The following MARCHF10 variants were observed in gnomAD, a reference collection of about 807,000 sequenced individuals.
The protein encoded by MARCHF10 is probable E3 ubiquitin-protein ligase MARCHF10.
Under a neutral mutation model 76.2 loss-of-function variants are expected in MARCHF10, and 64 were observed. The ratio of observed to expected loss-of-function variants is 0.84; its 90% CI spans 0.69 to 1.03. MARCHF10 has a LOEUF of 1.03. Ranked by LOEUF, MARCHF10 falls within the 50% of genes least tolerant of loss-of-function variation. The pLI, the probability that MARCHF10 is intolerant of heterozygous loss-of-function variation, is 0.00. For synonymous variants in MARCHF10, 340 were observed against 357.5 expected (o/e 0.95, Z 0.55); for missense variants, 875 against 958.0 (o/e 0.91, Z 1.14).
At chr17:62,729,208 G>A (rs1008172037) in intron 6 of MARCHF10, among the ~76,000 whole-genome samples, 3 of 151,874 alleles carry the variant, frequency 2.0e-5, no homozygotes, top group African/African-American at 7.3e-5. Flanking sequence ...CTCTAAAAGT[G>A]CTGGGATTAT....
intron 10 of MARCHF10, among the ~76,000 whole-genome samples, chr17:62,703,876 C>T (rs935358465): frequency 1.3e-5 from 2 of 152,202 alleles, no homozygotes; most frequent in African/African-American, 4.8e-5. Flanking sequence ...GCCAGGGTGC[C>T]CCAAGCCCAG....
At chr17:62,797,986 T>C (rs1160595601) in intron 2 of MARCHF10, among the ~76,000 whole-genome samples, 1 of 151,832 alleles carries the variant, frequency 6.6e-6, no homozygotes. Flanking sequence ...GCTTAGACCA[T>C]AGGAGGGGCA....
intron 2 of MARCHF10, among the ~76,000 whole-genome samples, chr17:62,793,556 C>T (rs1294497355): frequency 7.3e-6 from 1 of 136,418 alleles, no homozygotes; most frequent in African/African-American, 2.8e-5. Context: ...TCCACTGCCA[C>T]CACCACCTCC....
intron 3 of MARCHF10, among the ~76,000 whole-genome samples, chr17:62,785,928 G>C (rs1262828861): frequency 6.6e-6 from 1 of 152,232 alleles, no homozygotes; most frequent in Non-Finnish European, 1.5e-5. Flanking sequence ...CACTGTTGGT[G>C]AGAGTGTAAA....
At chr17:62,808,015 G>A (rs2093187808) in intron 1 of MARCHF10, 62 bp downstream of exon 1, 1 of 152,188 alleles carries the variant, frequency 6.6e-6, no homozygotes, top group South Asian at 2.1e-4. Context: ...AAGTCGAAAG[G>A]GAAGGTTGTC....
intron 5 of MARCHF10, among the ~76,000 whole-genome samples, chr17:62,744,151 C>G (rs1187686808): frequency 1.3e-5 from 2 of 152,160 alleles, no homozygotes; most frequent in African/African-American, 4.8e-5. Flanking sequence ...AGATATCCCC[C>G]CCGACCCCGC....
chr17:62,793,142 C>T (rs2092899319), intron 2 of MARCHF10, among the ~76,000 whole-genome samples: 2 of 145,892 alleles, frequency 1.4e-5, no homozygotes, highest in African/African-American at 5.1e-5. Context: ...ACCATCACCA[C>T]CATCACCACC....
In MARCHF10 at chr17:62,701,419, C is replaced by G. The variant is rs945433531; in HGVS notation, c.*284G>C. 7 of 573,640 alleles carry G rather than the reference C, an allele frequency of 1.2e-5. No homozygotes were observed. In the African/African-American group the frequency reaches 1.3e-4, roughly 11 times the overall value. The allele number at this position is 573,640 out of a possible 1,614,324, so 35.5% of individuals were successfully genotyped here. On this transcript the variant is annotated 3_prime_UTR_variant, in exon 11 of 11. Coordinates refer to ENST00000311269, the MANE Select transcript of MARCHF10 (RefSeq NM_152598.4). ...AGCAGTGGGACCCCAGGCCACTGGA[C>G]CTGGCAGGGCTTCTGGGCTAAGGGG...
intron 8 of MARCHF10, among the ~76,000 whole-genome samples, chr17:62,713,105 T>A (rs572320815): frequency 6.6e-6 from 1 of 152,280 alleles, no homozygotes; most frequent in South Asian, 2.1e-4. Context: ...TGCCTCCGAC[T>A]GTCTCGCCAA....
intron 4 of MARCHF10, among the ~76,000 whole-genome samples, chr17:62,752,221 ATCTCCCAAAGT>A (rs973491053): frequency 6.6e-6 from 1 of 151,772 alleles, no homozygotes; most frequent in African/African-American, 2.4e-5. Flanking sequence ...TACAGTTGTT[ATCTCCCAAAGT>A]CCCCCCAACA....
chr17:62,733,409 C>G (rs1028095910), intron 6 of MARCHF10, among the ~76,000 whole-genome samples: 1 of 152,184 alleles, frequency 6.6e-6, no homozygotes, highest in Admixed American at 6.5e-5. Flanking sequence ...CAAACTCAAG[C>G]TACAATATCA....
intron 3 of MARCHF10, among the ~76,000 whole-genome samples, chr17:62,762,522 G>A (rs760437673): frequency 7.9e-5 from 12 of 152,036 alleles, no homozygotes; most frequent in East Asian, 1.9e-4. Context: ...GTCTTCTTAC[G>A]TTCTCAGCCA....
chr17:62,783,040 T>C (rs2092686730), intron 3 of MARCHF10, among the ~76,000 whole-genome samples: 1 of 152,062 alleles, frequency 6.6e-6, no homozygotes, highest in Non-Finnish European at 1.5e-5. Context: ...TTGATGACAC[T>C]TGTGCAATCA....
intron 3 of MARCHF10, among the ~76,000 whole-genome samples, chr17:62,766,473 C>A (rs546618133): frequency 6.6e-6 from 1 of 151,706 alleles, no homozygotes; most frequent in East Asian, 1.9e-4. Context: ...GCACTCCAGT[C>A]TGGGCAACAA....
intron 3 of MARCHF10, among the ~76,000 whole-genome samples, chr17:62,772,058 T>C (rs1353224416): frequency 6.6e-6 from 1 of 152,114 alleles, no homozygotes; most frequent in Admixed American, 6.5e-5. Context: ...ACGAATTCAG[T>C]GCGGGGGGAG....
intron 3 of MARCHF10, among the ~76,000 whole-genome samples, chr17:62,767,999 AC>A (rs2147995213): frequency 6.6e-6 from 1 of 152,154 alleles, no homozygotes; most frequent in East Asian, 1.9e-4. Context: ...TCTGCCTATC[AC>A]CTTCCTGTGA....
chr17:62,734,373 G>A (rs1271327416), intron 6 of MARCHF10, among the ~76,000 whole-genome samples: 3 of 152,230 alleles, frequency 2.0e-5, no homozygotes, highest in South Asian at 2.1e-4. Context: ...CAGTGTGTAA[G>A]GAATGTTCTG....
At chr17:62,747,731 G>C (rs1005062) in intron 4 of MARCHF10, among the ~76,000 whole-genome samples, 2 of 152,184 alleles carry the variant, frequency 1.3e-5, no homozygotes, top group Admixed American at 6.5e-5. Flanking sequence ...TTGTTATGCA[G>C]ACTTCACAGG....
At chr17:62,727,309 A>G (rs9910942) in intron 6 of MARCHF10, among the ~76,000 whole-genome samples, 57,389 of 152,026 alleles carry the variant, frequency 0.38, 10,886 homozygotes, top group Non-Finnish European at 0.4. Context: ...AAGAAGAGAC[A>G]GAAAAGCACA....
Sources: gnomAD v4.1 joint callset for allele counts (sites outside exome capture counted in the v4.1 genomes callset) on GRCh38, gnomAD v4.1.1 for gene constraint, MANE v1.5 for transcripts, NCBI Gene and HGNC (gene_info 2026-07-23, HGNC 2026-07-21) for gene names.